Variants in ZNF420 observed in about 807,000 individuals in gnomAD.
ZNF420 encodes the protein zinc finger protein 420.
A neutral mutation model predicts 44.7 loss-of-function variants in ZNF420; 31 were observed. That is an observed-to-expected ratio of 0.69 (90% CI 0.52 to 0.94). The LOEUF is 0.94. Ranked by LOEUF, ZNF420 falls within the 40% of genes least tolerant of loss-of-function variation. ZNF420 has a pLI of 0.00. For synonymous variants in ZNF420, 245 were observed against 267.4 expected, an observed-to-expected ratio of 0.92 and a Z score of 0.82; for missense variants, 681 against 827.9, an observed-to-expected ratio of 0.82 and a Z score of 2.18.
chr19:37,116,887 G>T (rs1433587103), intron 4 of ZNF420, among the ~76,000 whole-genome samples: 1 of 152,206 alleles, frequency 6.6e-6, no homozygotes, highest in Non-Finnish European at 1.5e-5. Context: ...AAACTGCAAG[G>T]CAGCAGCGAG....
chr19:37,054,110 G>A (rs1967696410), intron 1 of ZNF420, among the ~76,000 whole-genome samples: 1 of 152,188 alleles, frequency 6.6e-6, no homozygotes, highest in South Asian at 2.1e-4. Context: ...ATCTCAGACT[G>A]CCGTGCTAGC....
intron 1 of ZNF420, among the ~76,000 whole-genome samples, chr19:37,046,857 T>G (rs1967551113): frequency 6.7e-6 from 1 of 148,710 alleles, no homozygotes; most frequent in Non-Finnish European, 1.5e-5. Context: ...AAAATAATTT[T>G]TAAGAAATTG....
intron 1 of ZNF420, among the ~76,000 whole-genome samples, chr19:37,012,901 G>A (rs2074582891): frequency 6.6e-6 from 1 of 151,656 alleles, no homozygotes; most frequent in South Asian, 2.1e-4. Context: ...GTGTGTGTTG[G>A]GACGAAAATG....
intron 4 of ZNF420, chr19:37,096,166 A>C (rs1436334527): frequency 6.6e-6 from 1 of 151,428 alleles, no homozygotes; most frequent in African/African-American, 2.4e-5. Context: ...TTTCTTTAAG[A>C]TTTAAATGTA....
intron 2 of ZNF420, among the ~76,000 whole-genome samples, chr19:37,082,775 T>A (rs1163928866): frequency 6.6e-6 from 1 of 152,246 alleles, no homozygotes. Context: ...ATAACACTTC[T>A]CGTATGGTTA....
intron 1 of ZNF420, among the ~76,000 whole-genome samples, chr19:37,054,215 G>C (rs117591523): frequency 0.014 from 2,135 of 152,356 alleles, 17 homozygotes; most frequent in Middle Eastern, 0.037. Context: ...GAAAAGCTCA[G>C]TATTAGGGTG....
rs1003162823 is a variant in ZNF420, at chr19:37,033,734, C to G, written c.-125+25652C>G. On this transcript the variant is annotated intron_variant, in intron 1 of 4. Transcript: ENST00000587029. ...CCAGAAGTGGACTTGCTGACTCATA[C>G]AGTAATTCTATGTTCCATTTTTATT... is the stretch of plus-strand genomic sequence containing the variant. 4.1e-4 allele frequency among the ~76,000 whole-genome samples: 62 copies of G among 152,112 alleles called. 1 individual carries two copies. The highest frequency in any genetic ancestry group is 1.4e-3 in the African/African-American group (59 of 41,420).
intron 1 of ZNF420, among the ~76,000 whole-genome samples, chr19:37,032,340 A>C (rs954104082): frequency 1.3e-5 from 2 of 149,816 alleles, no homozygotes; most frequent in Non-Finnish European, 3.0e-5. Flanking sequence ...AAAAAAAAAA[A>C]CCCAAAAAAC....
At chr19:37,081,650 C>T (rs570587314) in intron 2 of ZNF420, among the ~76,000 whole-genome samples, 6 of 150,944 alleles carry the variant, frequency 4.0e-5, no homozygotes, top group South Asian at 4.2e-4. Context: ...CTTAGCCTCC[C>T]GAGTAGCTGG....
intron 1 of ZNF420, among the ~76,000 whole-genome samples, chr19:37,045,609 T>G (rs1227104700): frequency 6.6e-6 from 1 of 152,210 alleles, no homozygotes; most frequent in Non-Finnish European, 1.5e-5. Flanking sequence ...TAACCTCCAT[T>G]TACGTTTTCT....
At position 37,021,977 on chromosome 19, in the gene ZNF420, G is replaced by T. The variant is rs534417018; in HGVS notation, c.-125+13895G>T. 1.2e-3 allele frequency among the ~76,000 whole-genome samples: 159 copies of T among 129,194 alleles called. 1 individual carries two copies. The highest frequency in any genetic ancestry group is 3.9e-3 in the African/African-American group (139 of 36,050). The allele number at this position is 129,194 out of a possible 152,430, so 84.8% of individuals were successfully genotyped here. On this transcript the variant is annotated intron_variant, in intron 1 of 4. Coordinates refer to the ZNF420 transcript ENST00000587029. ...AAAAAAAAAAAAGAAAAGAAAAAAT[G>T]AATAGTTGTACATTACTGAGAAAAT...
Position 37,127,909 on chromosome 19 carries a change from C to A in ZNF420, c.918C>A (p.Pro306=). The A allele has an allele frequency of 6.2e-7, 1 of 1,614,018 alleles. No individual in the cohort carries two copies. The highest frequency in any genetic ancestry group is 8.5e-7 in the Non-Finnish European group (1 of 1,179,940). The part of the protein sequence containing the change: ...LHKRIHTGEK[P]YECKECGKAF... Reference sequence around the variant, plus strand: ...AGAGAATTCATACCGGTGAGAAACCCTATGAATGTAAGGAATGTGGAAAAG... The same window carrying A: ...AGAGAATTCATACCGGTGAGAAACCATATGAATGTAAGGAATGTGGAAAAG... The change falls in exon 5 of 5, where the codon CCC becomes CCA. Residue 306 remains proline, a synonymous_variant. Transcript: ENST00000337995.
intron 1 of ZNF420, among the ~76,000 whole-genome samples, chr19:37,065,890 A>G (rs936112046): frequency 6.6e-6 from 1 of 152,222 alleles, no homozygotes; most frequent in African/African-American, 2.4e-5. Context: ...CTTGATATCC[A>G]TACAGAAAAA....
chr19:37,037,778 C>T (rs1418836248), intron 1 of ZNF420, among the ~76,000 whole-genome samples: 2 of 152,204 alleles, frequency 1.3e-5, no homozygotes, highest in Non-Finnish European at 2.9e-5. Flanking sequence ...GGATTACAGA[C>T]GTGAGCTATC....
At chr19:37,011,693 G>A (rs2074570233) in intron 1 of ZNF420, among the ~76,000 whole-genome samples, 1 of 152,114 alleles carries the variant, frequency 6.6e-6, no homozygotes, top group African/African-American at 2.4e-5. Context: ...GAGGTCACCT[G>A]TGCCCCCCTT....
At chr19:37,116,884 A>T (rs1970722131) in intron 4 of ZNF420, among the ~76,000 whole-genome samples, 1 of 152,196 alleles carries the variant, frequency 6.6e-6, no homozygotes, top group South Asian at 2.1e-4. Context: ...AGCAAACTGC[A>T]AGGCAGCAGC....
intron 4 of ZNF420, among the ~76,000 whole-genome samples, chr19:37,123,597 G>GTTTTTT (rs1285859472): frequency 1.3e-5 from 1 of 76,986 alleles, no homozygotes; most frequent in Non-Finnish European, 2.5e-5. Context: ...TTTTACTCTT[G>GTTTTTT]TCTTTTTTTT....
In ZNF420 at chr19:37,129,576, T is replaced by C. The variant is rs1251374061; in HGVS notation, c.*518T>C. On this transcript the variant is annotated 3_prime_UTR_variant, in exon 5 of 5. Transcript: ENST00000337995. ...GAGAGGAGAGTACTTATGAGTATAA[T>C]GAATATTGAGAAATCTTTTATCAAC... is the stretch of plus-strand genomic sequence containing the variant. The C allele has an allele frequency of 6.3e-6, 1 of 159,322 alleles. No homozygotes were observed. Among genetic ancestry groups the C allele is most frequent in the African/African-American group, 2.4e-5 (1 of 41,534 alleles). 9.9% of individuals were successfully genotyped at this position (159,322 alleles called of 1,614,324 possible).
chr19:37,121,774 A>G (rs991929404), intron 4 of ZNF420, among the ~76,000 whole-genome samples: 5 of 152,184 alleles, frequency 3.3e-5, no homozygotes, highest in Non-Finnish European at 7.4e-5. Flanking sequence ...CAAATTTACA[A>G]GAAAAAAACA....
Sources: gnomAD v4.1 joint callset for allele counts (sites outside exome capture counted in the v4.1 genomes callset) on GRCh38, gnomAD v4.1.1 for gene constraint, MANE v1.5 for transcripts, NCBI Gene and HGNC (gene_info 2026-07-23, HGNC 2026-07-21) for gene names.